SLC60A1: variants seen among roughly 807,000 people sequenced by gnomAD.
SLC60A1 encodes the protein major facilitator superfamily domain containing 4.
chr1:205,575,571 G>A, the SLC60A1 span, among the ~76,000 whole-genome samples: 1 of 152,310 alleles, frequency 6.6e-6, no homozygotes, highest in East Asian at 1.9e-4. Flanking sequence ...GGCAAGGCCA[G>A]GTCAAAGTGA....
chr1:205,576,636 A>T, the SLC60A1 span, among the ~76,000 whole-genome samples: 4 of 152,220 alleles, frequency 2.6e-5, no homozygotes, highest in African/African-American at 9.6e-5. Flanking sequence ...AGAAGGGGCT[A>T]TTGACCAAGC....
At chr1:205,586,792 G>A in the SLC60A1 span, among the ~76,000 whole-genome samples, 1 of 151,960 alleles carries the variant, frequency 6.6e-6, no homozygotes, top group East Asian at 1.9e-4. Context: ...TGTCTCCCAG[G>A]TTCAAGTGAT....
chr1:205,570,633 C>T, the SLC60A1 span, among the ~76,000 whole-genome samples: 2 of 152,176 alleles, frequency 1.3e-5, no homozygotes, highest in African/African-American at 4.8e-5. Context: ...AAATTATTCT[C>T]TTCTTAAAAA....
the SLC60A1 span, among the ~76,000 whole-genome samples, chr1:205,577,281 C>T: frequency 6.7e-6 from 1 of 150,100 alleles, no homozygotes; most frequent in Non-Finnish European, 1.5e-5. This position sits in a 1 kb window ranked among gnomAD's most constrained non-coding sequence, Gnocchi z 5.2. Flanking sequence ...GGCCTCCCAG[C>T]AGTGCCCAGT....
chr1:205,580,057 T>C, the SLC60A1 span: 1 of 1,225,414 alleles, frequency 8.2e-7, no homozygotes, highest in East Asian at 2.5e-5. The surrounding 1 kb of genome is among the most constrained non-coding windows in gnomAD (Gnocchi z 5.0). Flanking sequence ...ACTTACCAGC[T>C]GGGTTAGTAA....
At chr1:205,597,571 C>T in the SLC60A1 span, 3 of 448,072 alleles carry the variant, frequency 6.7e-6, no homozygotes, top group Non-Finnish European at 1.2e-5. Flanking sequence ...TTAAATTTTA[C>T]TTTTTGTAGA....
chr1:205,571,664 A>G, the SLC60A1 span, among the ~76,000 whole-genome samples: 1 of 151,916 alleles, frequency 6.6e-6, no homozygotes, highest in African/African-American at 2.4e-5. Context: ...GTCTCCCACC[A>G]CCTTGCTGAC....
the SLC60A1 span, among the ~76,000 whole-genome samples, chr1:205,578,244 ACT>A: frequency 5.3e-5 from 8 of 151,996 alleles, no homozygotes; most frequent in South Asian, 2.1e-4. Context: ...CAGACAGGGG[ACT>A]CTCTGGCTAT....
At chr1:205,594,044 T>A in the SLC60A1 span, among the ~76,000 whole-genome samples, 12 of 152,276 alleles carry the variant, frequency 7.9e-5, no homozygotes, top group African/African-American at 2.9e-4. Flanking sequence ...CGGTGAAAAC[T>A]GAGGGCAGAA....
At chr1:205,581,505 C>T in the SLC60A1 span, among the ~76,000 whole-genome samples, 1 of 152,256 alleles carries the variant, frequency 6.6e-6, no homozygotes, top group Non-Finnish European at 1.5e-5. This position sits in a 1 kb window ranked among gnomAD's most constrained non-coding sequence, Gnocchi z 4.2. Flanking sequence ...TGGAAACCTC[C>T]TCTGGTGCTC....
chr1:205,592,136 A>C, the SLC60A1 span: 9 of 1,613,876 alleles, frequency 5.6e-6, no homozygotes, highest in Non-Finnish European at 7.6e-6. Flanking sequence ...CTCTGCCGCG[A>C]CAGGTTGGCG....
the SLC60A1 span, among the ~76,000 whole-genome samples, chr1:205,594,112 C>T: frequency 6.6e-6 from 1 of 152,182 alleles, no homozygotes; most frequent in Non-Finnish European, 1.5e-5. Context: ...TTCTGCTACT[C>T]AGGACATCAT....
chr1:205,578,791 G>A, the SLC60A1 span, among the ~76,000 whole-genome samples: 2 of 152,144 alleles, frequency 1.3e-5, no homozygotes, highest in African/African-American at 2.4e-5. Flanking sequence ...CTGATGGGGT[G>A]GGGGGCTCTC....
chr1:205,587,881 G>C, the SLC60A1 span, among the ~76,000 whole-genome samples: 2 of 152,180 alleles, frequency 1.3e-5, no homozygotes, highest in Non-Finnish European at 2.9e-5. Context: ...CAATTGCTAA[G>C]ACAGAGGAGA....
the SLC60A1 span, chr1:205,592,365 GCTCT>G: frequency 1.8e-6 from 2 of 1,088,120 alleles, no homozygotes; most frequent in Non-Finnish European, 1.2e-6. Context: ...GTCTCTCTGT[GCTCT>G]TTTTTTTTTT....
chr1:205,599,010 T>G, the SLC60A1 span: 1 of 1,285,156 alleles, frequency 7.8e-7, no homozygotes, highest in Non-Finnish European at 1.1e-6. Flanking sequence ...TTCCATCTCT[T>G]GGTGTGACGG....
chr1:205,591,500 AAAGG>A, the SLC60A1 span, among the ~76,000 whole-genome samples: 16 of 133,544 alleles, frequency 1.2e-4, 1 homozygote, highest in Non-Finnish European at 1.9e-4. Context: ...AAAAAAAAAA[AAAGG>A]AAAGAAAAGA....
chr1:205,582,411 A>T, the SLC60A1 span, among the ~76,000 whole-genome samples: 1 of 152,242 alleles, frequency 6.6e-6, no homozygotes, highest in Non-Finnish European at 1.5e-5. Context: ...GTGCACACGC[A>T]CACACACATG....
the SLC60A1 span, among the ~76,000 whole-genome samples, chr1:205,593,782 AACCCTC>A: frequency 6.6e-6 from 1 of 152,204 alleles, no homozygotes; most frequent in Admixed American, 6.5e-5. Context: ...AGCTGAAAAT[AACCCTC>A]TTAGCAGTTC....
Sources: allele counts gnomAD v4.1 joint callset (sites outside exome capture counted in the v4.1 genomes callset), GRCh38; gene constraint gnomAD v4.1.1; non-coding constraint Gnocchi (gnomAD v3.1); transcripts MANE v1.5; gene names NCBI Gene and HGNC (gene_info 2026-07-23, HGNC 2026-07-21).